The following DDR2 variants were observed in gnomAD, a reference collection of about 807,000 sequenced individuals.
DDR2 encodes discoidin domain-containing receptor 2.
In DDR2, 27 loss-of-function variants were observed where a neutral mutation model predicts 94.9. The observed-to-expected ratio is 0.28, with a 90% confidence interval of 0.21 to 0.39. The LOEUF (loss-of-function observed/expected upper bound fraction) is 0.39. DDR2 is among the 10% of genes least tolerant of loss of function. DDR2 has a pLI of 1.00. For missense variants in DDR2, 783 were observed against 1,076.0 expected, an observed-to-expected ratio of 0.73 and a Z score of 3.81; for synonymous variants, 382 against 377.2, an observed-to-expected ratio of 1.01 and a Z score of -0.15.
At chr1:162,693,968 C>T (rs984664342) in intron 2 of DDR2, among the ~76,000 whole-genome samples, 2 of 152,170 alleles carry the variant, frequency 1.3e-5, no homozygotes, top group Admixed American at 1.3e-4. Context: ...CTCTGCCTCC[C>T]AGGCTCAAGC....
chr1:162,631,079 G>A (rs1656535119), upstream of DDR2, among the ~76,000 whole-genome samples: 2 of 152,042 alleles, frequency 1.3e-5, no homozygotes, highest in East Asian at 1.9e-4. Flanking sequence ...AGGCACAGAT[G>A]TTAACGGCTG....
In DDR2 at chr1:162,784,887, A is replaced by G. The variant is rs1179958070; in HGVS notation, c.*4641A>G. 6.6e-6 allele frequency: 1 copy of G among 152,080 alleles called. No homozygotes were observed. Among genetic ancestry groups the G allele is most frequent in the East Asian group, 1.9e-4 (1 of 5,202 alleles). The allele number at this position is 152,080 out of a possible 1,614,324, so 9.4% of individuals were successfully genotyped here. ...TAACTAAACTACAGACCTTTTTTCA[A>G]TTTCGCCAGTTTTTCCACACATATT... On this transcript the variant is annotated 3_prime_UTR_variant, in exon 18 of 18. Coordinates refer to ENST00000367921, the MANE Select transcript of DDR2 (RefSeq NM_006182.4).
In DDR2 at chr1:162,759,858, C is replaced by T. The variant is rs1571301968; in HGVS notation, c.734C>T (p.Thr245Ile). The stretch of plus-strand genomic sequence containing the variant: ...TCTGGCCTGGACGATTTCACCCAGA[C>T]CCATGAATACCACGTGTGGCCCGGC... Reference protein sequence around the residue: ...GVSGLDDFTQTHEYHVWPGYD... With the variant: ...GVSGLDDFTQIHEYHVWPGYD... The change falls in exon 8 of 18, where the codon ACC becomes ATC. Residue 245 changes from threonine (T) to isoleucine (I), a missense_variant. This residue lies in a region of DDR2 where 519 missense variants were observed against 647.9 expected (regional missense o/e 0.80). Transcript: ENST00000367921. The T allele has an allele frequency of 6.2e-7, 1 of 1,614,146 alleles. No individual in the cohort carries two copies. The highest frequency in any genetic ancestry group is 1.1e-5 in the South Asian group (1 of 91,082).
At chr1:162,631,924 G>A (rs566810952), upstream of DDR2, 1 of 151,988 alleles carries the variant, frequency 6.6e-6, no homozygotes, top group African/African-American at 2.4e-5. Context: ...TTTCTTGGTG[G>A]GGGGAGCCGT....
intron 3 of DDR2, among the ~76,000 whole-genome samples, chr1:162,724,566 C>G (rs915308605): frequency 4.6e-5 from 7 of 152,150 alleles, no homozygotes; most frequent in Middle Eastern, 3.2e-3. Context: ...TCCACCAAGA[C>G]TGCTATGTGT....
chr1:162,744,951 C>CA lies in DDR2; in HGVS notation c.83-8143dup, dbSNP rs1442149191. On this transcript the variant is annotated intron_variant, in intron 3 of 17. Coordinates refer to ENST00000367921, the MANE Select transcript of DDR2 (RefSeq NM_006182.4). ...TACTGACTGCATCATTTTACATTCC[C>CA]ACTAACAGTTTATAAGGGTTCCAGT... 2.6e-5 allele frequency among the ~76,000 whole-genome samples: 4 copies of CA among 152,262 alleles called. No individual in the cohort carries two copies. In the East Asian group the frequency reaches 7.7e-4, roughly 29 times the overall value.
chr1:162,748,260 C>T (rs976367332), intron 3 of DDR2, among the ~76,000 whole-genome samples: 1 of 152,180 alleles, frequency 6.6e-6, no homozygotes, highest in Non-Finnish European at 1.5e-5. Context: ...AGACCCATCT[C>T]ATGTGCAGAG....
intron 2 of DDR2, among the ~76,000 whole-genome samples, chr1:162,673,239 G>A (rs916280753): frequency 2.6e-5 from 4 of 152,264 alleles, no homozygotes; most frequent in South Asian, 2.1e-4. Context: ...GCCAGTTGGT[G>A]TTCTCAAAGG....
intron 3 of DDR2, among the ~76,000 whole-genome samples, chr1:162,725,707 G>A (rs770541485): frequency 6.6e-6 from 1 of 152,206 alleles, no homozygotes; most frequent in Non-Finnish European, 1.5e-5. Flanking sequence ...TGGAGTGTGA[G>A]ACTCAAGGAA....
At chr1:162,765,750 C>A (rs1046202490) in intron 9 of DDR2, among the ~76,000 whole-genome samples, 4 of 149,172 alleles carry the variant, frequency 2.7e-5, no homozygotes, top group African/African-American at 9.9e-5. Context: ...ATCACTGTTT[C>A]TTAAACTTTT....
chr1:162,653,290 T>G (rs766942315), intron 1 of DDR2, among the ~76,000 whole-genome samples: 15 of 151,988 alleles, frequency 9.9e-5, no homozygotes, highest in Non-Finnish European at 1.5e-4. Context: ...AGAAAATTGT[T>G]TGGGGGCCGG....
At chr1:162,681,258 C>T (rs1355430253) in intron 2 of DDR2, among the ~76,000 whole-genome samples, 2 of 152,042 alleles carry the variant, frequency 1.3e-5, no homozygotes, top group Non-Finnish European at 2.9e-5. Context: ...ATCTATATGA[C>T]CTTTGACTGC....
chr1:162,763,094 C>A (rs573651279), intron 9 of DDR2, among the ~76,000 whole-genome samples: 1 of 152,096 alleles, frequency 6.6e-6, no homozygotes, highest in African/African-American at 2.4e-5. Context: ...GCCTTGGCCT[C>A]CCAAAGTGCT....
chr1:162,730,058 C>CTTT (rs1661953788), intron 3 of DDR2, among the ~76,000 whole-genome samples: 6 of 64,186 alleles, frequency 9.3e-5, no homozygotes, highest in African/African-American at 1.2e-4. Flanking sequence ...TTTTTTTTTG[C>CTTT]AAAAAAAAAA....
intron 1 of DDR2, among the ~76,000 whole-genome samples, chr1:162,641,995 G>A (rs1161967502): frequency 6.6e-6 from 1 of 152,128 alleles, no homozygotes; most frequent in Non-Finnish European, 1.5e-5. Context: ...CTGTCGCCCA[G>A]GCTAGAGTGC....
chr1:162,720,333 G>A (rs1661363850), intron 3 of DDR2, among the ~76,000 whole-genome samples: 1 of 151,980 alleles, frequency 6.6e-6, no homozygotes, highest in South Asian at 2.1e-4. Flanking sequence ...ACCCCGCAAA[G>A]GTAGCCATTA....
At chr1:162,660,448 AT>A (rs1427232470) in intron 2 of DDR2, among the ~76,000 whole-genome samples, 2 of 152,188 alleles carry the variant, frequency 1.3e-5, no homozygotes, top group Non-Finnish European at 2.9e-5. Flanking sequence ...TAGTGAGAGC[AT>A]TGGCATCATC....
At chr1:162,755,859 C>T in intron 7 of DDR2, 90 bp downstream of exon 7, 2 of 1,132,486 alleles carry the variant, frequency 1.8e-6, no homozygotes, top group Non-Finnish European at 2.7e-6. Flanking sequence ...AATCAATCAA[C>T]CAATCAGTAT....
intron 2 of DDR2, among the ~76,000 whole-genome samples, chr1:162,702,870 A>G (rs891335324): frequency 1.3e-5 from 2 of 152,208 alleles, no homozygotes; most frequent in African/African-American, 2.4e-5. Flanking sequence ...CTTGGCTTCA[A>G]TAGAGAAAGT....
Sources: gnomAD v4.1 joint callset for allele counts (sites outside exome capture counted in the v4.1 genomes callset) on GRCh38, gnomAD v4.1.1 for gene constraint, gnomAD v4.1.1 regional missense constraint, MANE v1.5 for transcripts, NCBI Gene and HGNC (gene_info 2026-07-23, HGNC 2026-07-21) for gene names.